Variants in MAML3 observed in about 807,000 individuals in gnomAD.
MAML3 encodes the protein mastermind like transcriptional coactivator 3.
MAML3 carries 27 observed loss-of-function variants against 101.9 expected under a neutral mutation model. That is an observed-to-expected ratio of 0.27 (90% CI 0.20 to 0.37). The LOEUF (loss-of-function observed/expected upper bound fraction) is 0.37, where lower values mean the gene tolerates loss of function less well. Among genes scored for constraint, MAML3 ranks in the 10% least tolerant of loss-of-function variants. The pLI is 1.00. For missense variants in MAML3, 1,316 were observed against 1,444.9 expected, an observed-to-expected ratio of 0.91 and a Z score of 1.45; for synonymous variants, 501 against 555.9, an observed-to-expected ratio of 0.90 and a Z score of 1.39.
intron 1 of MAML3, among the ~76,000 whole-genome samples, chr4:139,996,294 AT>A (rs1734811399): frequency 4.6e-5 from 7 of 152,308 alleles, no homozygotes; most frequent in Non-Finnish European, 8.8e-5. Context: ...CAAGTGTTCT[AT>A]AGCATTGGTG....
chr4:140,039,951 CAA>C (rs902637586), intron 1 of MAML3, among the ~76,000 whole-genome samples: 2 of 152,174 alleles, frequency 1.3e-5, no homozygotes, highest in African/African-American at 4.8e-5. Flanking sequence ...AGCGGGCAAA[CAA>C]CGCACACTCA....
chr4:140,054,864 T>C (rs62345585), intron 1 of MAML3, among the ~76,000 whole-genome samples: 1,527 of 152,352 alleles, frequency 0.01, 9 homozygotes, highest in Non-Finnish European at 0.017. Flanking sequence ...CAACCTATGC[T>C]AAAACACAAC....
chr4:140,047,255 G>A (rs1029496310), intron 1 of MAML3, among the ~76,000 whole-genome samples: 1 of 152,184 alleles, frequency 6.6e-6, no homozygotes, highest in East Asian at 1.9e-4. Context: ...TGTTGGGCAA[G>A]TGCAGATTTG....
At chr4:139,917,650 C>T (rs535249356) in intron 1 of MAML3, among the ~76,000 whole-genome samples, 2 of 152,098 alleles carry the variant, frequency 1.3e-5, no homozygotes, top group African/African-American at 4.8e-5. Flanking sequence ...AAGAATTCAG[C>T]CTCTATATAA....
intron 1 of MAML3, among the ~76,000 whole-genome samples, chr4:140,104,129 T>C (rs1728296506): frequency 6.6e-6 from 1 of 151,162 alleles, no homozygotes; most frequent in African/African-American, 2.4e-5. Context: ...CTCATGCCTG[T>C]AATCCAGCAC....
chr4:140,122,384 C>A (rs1490064739), intron 1 of MAML3, among the ~76,000 whole-genome samples: 2 of 152,028 alleles, frequency 1.3e-5, no homozygotes, highest in African/African-American at 2.4e-5. Flanking sequence ...CCACACCCAG[C>A]TAACTTTTCA....
chr4:140,015,806 A>T (rs1442749413), intron 1 of MAML3, among the ~76,000 whole-genome samples: 1 of 152,190 alleles, frequency 6.6e-6, no homozygotes, highest in East Asian at 1.9e-4. Flanking sequence ...TACAAAAATT[A>T]GCCACATGTG....
At chr4:139,806,485 G>A (rs1730701972) in intron 2 of MAML3, among the ~76,000 whole-genome samples, 1 of 152,114 alleles carries the variant, frequency 6.6e-6, no homozygotes, top group African/African-American at 2.4e-5. Context: ...ATAAGATGTG[G>A]TAAGGGAGCT....
intron 2 of MAML3, among the ~76,000 whole-genome samples, chr4:139,801,633 G>GGGGTGTGTGTGTGTGTGTGT (rs1553957606): frequency 1.4e-5 from 2 of 146,392 alleles, no homozygotes; most frequent in African/African-American, 5.1e-5. Flanking sequence ...GCAGGAACAG[G>GGGGTGTGTGTGTGTGTGTGT]GTGTGTGTGG....
chr4:139,886,852 A>G (rs899967168), intron 2 of MAML3, among the ~76,000 whole-genome samples: 2 of 152,196 alleles, frequency 1.3e-5, no homozygotes, highest in Non-Finnish European at 2.9e-5. Context: ...TGAAATATAC[A>G]GGAAGTAAGC....
rs1223260657 is a variant in MAML3 at position 140,035,215 on chromosome 4, A to G, written c.468+117645T>C. 3.9e-5 allele frequency among the ~76,000 whole-genome samples: 6 copies of G among 152,182 alleles called. No homozygotes were observed. The East Asian group carries it at 1.2e-3, about 29-fold the overall frequency. On this transcript the variant is annotated intron_variant, in intron 1 of 4. Coordinates refer to ENST00000509479, the MANE Select transcript of MAML3 (RefSeq NM_018717.5). ...TTTCGAACTCCTGACCTCAAGTGAC[A>G]CACCTGCCTCAGTCTCCAAAAGTGC...
chr4:139,931,071 A>G (rs904103844), intron 1 of MAML3, among the ~76,000 whole-genome samples: 2 of 151,746 alleles, frequency 1.3e-5, no homozygotes, highest in African/African-American at 4.8e-5. Context: ...CTCGTGTCCC[A>G]AGTTGTTGGG....
At chr4:140,015,267 A>C (rs1726623815) in intron 1 of MAML3, among the ~76,000 whole-genome samples, 1 of 152,212 alleles carries the variant, frequency 6.6e-6, no homozygotes, top group South Asian at 2.1e-4. Flanking sequence ...ACGCAAAGAA[A>C]AAAGAGAATG....
chr4:140,133,247 A>C (rs1387692860), intron 1 of MAML3: 5 of 335,146 alleles, frequency 1.5e-5, no homozygotes, highest in Non-Finnish European at 2.4e-5. Flanking sequence ...CTGAACCTAA[A>C]ACTACAGTGG....
intron 1 of MAML3, among the ~76,000 whole-genome samples, chr4:139,892,709 C>T (rs1253132018): frequency 2.6e-5 from 4 of 151,588 alleles, no homozygotes; most frequent in Admixed American, 1.3e-4. Context: ...GTGGCTCACG[C>T]GGTCAGGAGA....
intron 1 of MAML3, among the ~76,000 whole-genome samples, chr4:139,961,190 A>G (rs181698404): frequency 6.6e-5 from 10 of 152,280 alleles, no homozygotes; most frequent in Admixed American, 2.6e-4. Context: ...TTGCCTCTGC[A>G]ATTTTGCCTG....
chr4:140,031,982 C>T (rs780597083), intron 1 of MAML3, among the ~76,000 whole-genome samples: 1 of 152,200 alleles, frequency 6.6e-6, no homozygotes, highest in Non-Finnish European at 1.5e-5. Context: ...CTCTGTCTGC[C>T]TTGGCTGACT....
intron 1 of MAML3, among the ~76,000 whole-genome samples, chr4:140,137,373 A>T (rs1728908889): frequency 6.6e-6 from 1 of 152,170 alleles, no homozygotes; most frequent in African/African-American, 2.4e-5. Flanking sequence ...AACCTGTGCC[A>T]CCCATATGGT....
chr4:140,142,980 C>T (rs1297765653), intron 1 of MAML3, among the ~76,000 whole-genome samples: 3 of 152,180 alleles, frequency 2.0e-5, no homozygotes, highest in Non-Finnish European at 4.4e-5. Context: ...CCCCACCACA[C>T]CAACTAATCC....
Sources: allele counts gnomAD v4.1 joint callset (sites outside exome capture counted in the v4.1 genomes callset), GRCh38; gene constraint gnomAD v4.1.1; transcripts MANE v1.5; gene names NCBI Gene and HGNC (gene_info 2026-07-23, HGNC 2026-07-21).